SPMAP2L: variants seen among roughly 807,000 people sequenced by gnomAD.
SPMAP2L encodes the protein sperm microtubule associated protein 2 like.
chr4:56,617,664 A>G, the SPMAP2L span, among the ~76,000 whole-genome samples: 1 of 152,214 alleles, frequency 6.6e-6, no homozygotes, highest in African/African-American at 2.4e-5. Context: ...TCCGGACAAC[A>G]TAGGCGGCTT....
At chr4:56,594,815 C>T in the SPMAP2L span, 8 of 1,554,876 alleles carry the variant, frequency 5.1e-6, no homozygotes, top group Non-Finnish European at 7.1e-6. Context: ...CATCCATCAA[C>T]ATGGAGGATA....
chr4:56,624,196 T>C, the SPMAP2L span, among the ~76,000 whole-genome samples: 699 of 152,308 alleles, frequency 4.6e-3, 8 homozygotes, highest in African/African-American at 0.016. Context: ...CCTTAGAGAT[T>C]TGTGGAAATT....
the SPMAP2L span, among the ~76,000 whole-genome samples, chr4:56,620,102 G>A: frequency 3.3e-5 from 5 of 152,182 alleles, no homozygotes; most frequent in African/African-American, 1.2e-4. Flanking sequence ...CAGCAGCGAG[G>A]CTGTAAATCC....
the SPMAP2L span, chr4:56,557,876 G>C: frequency 4.6e-5 from 7 of 152,278 alleles, no homozygotes; most frequent in South Asian, 1.2e-3. Context: ...TTAAAATGCT[G>C]TCAGTAAAGT....
the SPMAP2L span, among the ~76,000 whole-genome samples, chr4:56,553,106 G>A: frequency 4.0e-5 from 6 of 149,216 alleles, no homozygotes; most frequent in South Asian, 4.3e-4. Flanking sequence ...GTCCTTTCAC[G>A]CTTGGCCAAG....
the SPMAP2L span, among the ~76,000 whole-genome samples, chr4:56,602,574 A>G: frequency 2.6e-5 from 4 of 152,162 alleles, no homozygotes; most frequent in African/African-American, 9.7e-5. Flanking sequence ...GCACGTCTGT[A>G]GTCCCAGCTA....
the SPMAP2L span, among the ~76,000 whole-genome samples, chr4:56,587,014 C>T: frequency 6.8e-3 from 1,033 of 152,076 alleles, 13 homozygotes; most frequent in African/African-American, 0.024. Context: ...TAATCAATAG[C>T]CTCATTTTTA....
At chr4:56,548,225 C>T in the SPMAP2L span, among the ~76,000 whole-genome samples, 3,632 of 126,550 alleles carry the variant, frequency 0.029, 140 homozygotes, top group African/African-American at 0.086. Flanking sequence ...CAAGTTTGAG[C>T]GTTCTCTTTC....
At chr4:56,625,410 T>G in the SPMAP2L span, among the ~76,000 whole-genome samples, 2 of 152,306 alleles carry the variant, frequency 1.3e-5, no homozygotes, top group South Asian at 4.1e-4. Context: ...TGATTGGTTT[T>G]GAAATGTGAG....
chr4:56,589,984 T>G, the SPMAP2L span, among the ~76,000 whole-genome samples: 6 of 152,210 alleles, frequency 3.9e-5, no homozygotes, highest in Non-Finnish European at 7.4e-5. Flanking sequence ...GACTTCCTCT[T>G]TACTGATTTG....
chr4:56,578,132 T>C, the SPMAP2L span, among the ~76,000 whole-genome samples: 1 of 152,220 alleles, frequency 6.6e-6, no homozygotes, highest in Non-Finnish European at 1.5e-5. Flanking sequence ...TGTAACTCTT[T>C]TTCTTCTACC....
the SPMAP2L span, among the ~76,000 whole-genome samples, chr4:56,550,886 G>A: frequency 6.6e-6 from 1 of 151,932 alleles, no homozygotes; most frequent in African/African-American, 2.4e-5. Flanking sequence ...GTAGTAGTTC[G>A]AGGCTGCAGG....
chr4:56,605,037 A>C, the SPMAP2L span, among the ~76,000 whole-genome samples: 2 of 152,230 alleles, frequency 1.3e-5, no homozygotes, highest in South Asian at 4.1e-4. Flanking sequence ...ATAAAAGATT[A>C]CATAATGGGT....
the SPMAP2L span, among the ~76,000 whole-genome samples, chr4:56,584,087 C>T: frequency 2.6e-5 from 4 of 152,212 alleles, no homozygotes; most frequent in Admixed American, 2.6e-4. Context: ...CCGCCTCAGC[C>T]TTGCAAGTAG....
the SPMAP2L span, among the ~76,000 whole-genome samples, chr4:56,537,366 C>T: frequency 6.6e-6 from 1 of 152,202 alleles, no homozygotes; most frequent in Non-Finnish European, 1.5e-5. Flanking sequence ...TTCTCTGAGT[C>T]TGACACTTAC....
At chr4:56,544,382 C>A in the SPMAP2L span, among the ~76,000 whole-genome samples, 19,495 of 152,164 alleles carry the variant, frequency 0.13, 1,296 homozygotes, top group East Asian at 0.2. Context: ...CTTGCATATA[C>A]GGTAACCTTT....
At chr4:56,577,277 T>C in the SPMAP2L span, among the ~76,000 whole-genome samples, 1 of 152,024 alleles carries the variant, frequency 6.6e-6, no homozygotes, top group South Asian at 2.1e-4. Context: ...TGGTGGCTCA[T>C]GCCTGTAATC....
At chr4:56,536,007 G>A in the SPMAP2L span, among the ~76,000 whole-genome samples, 3 of 152,238 alleles carry the variant, frequency 2.0e-5, no homozygotes, top group Non-Finnish European at 4.4e-5. Context: ...ACATGCGCAC[G>A]CGCAGTTCAC....
chr4:56,593,778 G>A, the SPMAP2L span: 2 of 1,585,290 alleles, frequency 1.3e-6, no homozygotes, highest in Non-Finnish European at 1.7e-6. Context: ...CACACTGAGA[G>A]AGACATGGCT....
Sources: gnomAD v4.1 joint callset for allele counts (sites outside exome capture counted in the v4.1 genomes callset) on GRCh38, gnomAD v4.1.1 for gene constraint, MANE v1.5 for transcripts, NCBI Gene and HGNC (gene_info 2026-07-23, HGNC 2026-07-21) for gene names.